SFTPD: variants seen among roughly 807,000 people sequenced by gnomAD.
SFTPD encodes surfactant protein D.
In SFTPD, 18 loss-of-function variants were observed where a neutral mutation model predicts 34.6. The ratio of observed to expected loss-of-function variants is 0.52; its 90% CI spans 0.36 to 0.77. SFTPD has a LOEUF of 0.77. SFTPD is among the 30% of genes least tolerant of loss of function. The pLI, the probability that SFTPD is intolerant of heterozygous loss-of-function variation, is 0.00. For missense variants in SFTPD, 433 were observed against 468.9 expected, an observed-to-expected ratio of 0.92 and a Z score of 0.71; for synonymous variants, 155 against 180.9, an observed-to-expected ratio of 0.86 and a Z score of 1.15.
chr10:79,958,247 G>A (rs1174905965), intron 1 of SFTPD, among the ~76,000 whole-genome samples: 2 of 152,086 alleles, frequency 1.3e-5, no homozygotes, highest in East Asian at 1.9e-4. Flanking sequence ...ATCAACTAAC[G>A]AGCAAAATAA....
intron 1 of SFTPD, among the ~76,000 whole-genome samples, chr10:79,976,727 G>A (rs1192901827): frequency 6.6e-6 from 1 of 152,156 alleles, no homozygotes; most frequent in Non-Finnish European, 1.5e-5. Flanking sequence ...AAGTGGCATG[G>A]GTCATTGGGT....
Position 79,942,070 on chromosome 10 carries a change from C to A in SFTPD, c.434G>T (p.Gly145Val). ...CTGCATGCCTGGGGCACCTACTTCT[C>A]CTGAAGAAGGAACACACAGGAACAA... Reference protein sequence around the residue: ...PGPKGEAGPKGEVGAPGMQGS... With the variant: ...PGPKGEAGPKVEVGAPGMQGS... Residue 145 changes from glycine to valine, a missense_variant and splice_region_variant, in exon 5 of 8, where the codon GGA becomes GTA. Gly to Val is a moderately radical substitution (Grantham distance 109). Transcript: ENST00000372292. The A allele has an allele frequency of 6.2e-7, 1 of 1,602,316 alleles. No individual in the cohort carries two copies. Among genetic ancestry groups the A allele is most frequent in the Non-Finnish European group, 8.5e-7 (1 of 1,170,062 alleles).
At chr10:79,955,684 A>G (rs1446535027) in intron 1 of SFTPD, among the ~76,000 whole-genome samples, 1 of 152,262 alleles carries the variant, frequency 6.6e-6, no homozygotes, top group Admixed American at 6.5e-5. Flanking sequence ...TGCAGGTTCT[A>G]TGAATGTCTA....
chr10:79,979,568 C>A (rs1305261103), intron 1 of SFTPD, among the ~76,000 whole-genome samples: 1 of 152,204 alleles, frequency 6.6e-6, no homozygotes, highest in East Asian at 1.9e-4. Flanking sequence ...CAACACAGGA[C>A]ACAGTTCAGC....
intron 4 of SFTPD, 68 bp downstream of exon 4, chr10:79,942,320 A>G: frequency 3.6e-6 from 4 of 1,098,810 alleles, no homozygotes; most frequent in South Asian, 2.6e-5. Flanking sequence ...AGCACGCCTC[A>G]GGTCATATCA....
At chr10:79,981,351 G>C (rs1842888704) in intron 1 of SFTPD, among the ~76,000 whole-genome samples, 1 of 152,186 alleles carries the variant, frequency 6.6e-6, no homozygotes. Flanking sequence ...TAAGTTATTG[G>C]TCTTAAAGTG....
chr10:79,948,831 C>T (rs1235864562), intron 1 of SFTPD, among the ~76,000 whole-genome samples: 1 of 152,186 alleles, frequency 6.6e-6, no homozygotes, highest in East Asian at 1.9e-4. Context: ...CCCACTCTTC[C>T]ACCCTGTGCA....
At chr10:79,952,067 G>A (rs1245929717), upstream of SFTPD, among the ~76,000 whole-genome samples, 2 of 152,244 alleles carry the variant, frequency 1.3e-5, no homozygotes, top group African/African-American at 4.8e-5. Flanking sequence ...TCTCCAGGCT[G>A]CAGTGTGATG....
At chr10:79,947,921 C>T (rs1333148192) in intron 1 of SFTPD, among the ~76,000 whole-genome samples, 1 of 152,172 alleles carries the variant, frequency 6.6e-6, no homozygotes, top group Admixed American at 6.5e-5. Context: ...AAGAGCTGAT[C>T]AGATTCGCAG....
At chr10:79,951,625 T>C (rs965922017), upstream of SFTPD, among the ~76,000 whole-genome samples, 1 of 152,258 alleles carries the variant, frequency 6.6e-6, no homozygotes, top group Non-Finnish European at 1.5e-5. Context: ...TCCCCAGCAC[T>C]ATACCCTCTG....
chr10:79,965,538 T>TC (rs1564534466), intron 1 of SFTPD, among the ~76,000 whole-genome samples: 3 of 23,054 alleles, frequency 1.3e-4, no homozygotes, highest in African/African-American at 6.7e-4. Flanking sequence ...ATTTTATTTT[T>TC]CTTTTTTTTT....
chr10:79,950,617 C>G (rs1317043245), upstream of SFTPD: 1 of 152,194 alleles, frequency 6.6e-6, no homozygotes, highest in South Asian at 2.1e-4. Flanking sequence ...AGGATGTTTT[C>G]CTTCACATTG....
chr10:79,943,495 T>C (rs1842636534), intron 2 of SFTPD, among the ~76,000 whole-genome samples: 1 of 152,152 alleles, frequency 6.6e-6, no homozygotes, highest in Non-Finnish European at 1.5e-5. Flanking sequence ...ACTCAGAGCT[T>C]TCTTCTTCAA....
In SFTPD at chr10:79,960,308, G is replaced by A. The variant is rs1194415482; in HGVS notation, c.37-13646C>T. Among the ~76,000 whole-genome samples the A allele has an allele frequency of 6.1e-5, 9 of 148,382 alleles. No homozygotes were observed. In the East Asian group the frequency reaches 1.4e-3, roughly 23 times the overall value. On this transcript the variant is annotated intron_variant, in intron 1 of 5. Coordinates refer to the SFTPD transcript ENST00000444384. ...AGTTCTGGCCAGGGCAATTAGGCAG[G>A]AGAAGGAAATAAAGGGTATTCAATT...
At chr10:79,974,441 A>G (rs142660908) in intron 1 of SFTPD, among the ~76,000 whole-genome samples, 2,878 of 151,724 alleles carry the variant, frequency 0.019, 97 homozygotes, top group African/African-American at 0.066. Context: ...GAGCCACCAC[A>G]CCCAGCCACC....
At chr10:79,958,782 C>T (rs1425190725) in intron 1 of SFTPD, among the ~76,000 whole-genome samples, 2 of 152,158 alleles carry the variant, frequency 1.3e-5, no homozygotes, top group Admixed American at 6.5e-5. Context: ...CTCAGCTCTG[C>T]ACCAAGCAGA....
chr10:79,982,240 C>CA, intron 1 of SFTPD: 1 of 834,912 alleles, frequency 1.2e-6, no homozygotes, highest in Non-Finnish European at 1.6e-6. Context: ...ACGGAGGAGC[C>CA]AATGGGACCG....
chr10:79,959,835 A>G (rs2132512986), intron 1 of SFTPD, among the ~76,000 whole-genome samples: 1 of 152,164 alleles, frequency 6.6e-6, no homozygotes, highest in East Asian at 1.9e-4. Flanking sequence ...TGGCAGAAAC[A>G]CAACCAAAAA....
chr10:79,962,230 G>A (rs1006608664), intron 1 of SFTPD, among the ~76,000 whole-genome samples: 1 of 150,576 alleles, frequency 6.6e-6, no homozygotes, highest in African/African-American at 2.4e-5. Context: ...CACCAACATG[G>A]CACATGTATA....
Sources: allele counts gnomAD v4.1 joint callset (sites outside exome capture counted in the v4.1 genomes callset), GRCh38; gene constraint gnomAD v4.1.1; transcripts MANE v1.5; gene names NCBI Gene and HGNC (gene_info 2026-07-23, HGNC 2026-07-21).